Variants in DNAJC17 observed in about 807,000 individuals in gnomAD.
DNAJC17 encodes the protein dnaJ homolog subfamily C member 17.
Under a neutral mutation model 48.1 loss-of-function variants are expected in DNAJC17, and 35 were observed. The observed-to-expected ratio is 0.73, with a 90% CI of 0.56 to 0.96. DNAJC17 has a LOEUF of 0.96. Ranked by LOEUF, DNAJC17 falls within the 50% of genes least tolerant of loss-of-function variation. The pLI, the probability that DNAJC17 is intolerant of heterozygous loss-of-function variation, is 0.00. For synonymous variants in DNAJC17, 117 were observed against 142.7 expected (o/e 0.82, Z 1.28); for missense variants, 355 against 377.1 (o/e 0.94, Z 0.48).
intron 1 of DNAJC17, among the ~76,000 whole-genome samples, chr15:40,783,947 C>A (rs948096018): frequency 1.3e-5 from 2 of 152,086 alleles, no homozygotes; most frequent in Non-Finnish European, 2.9e-5. Flanking sequence ...AAGGAGCAGG[C>A]TGGGTGTGGT....
rs1234545096 is a variant in DNAJC17 at position 40,767,759 on chromosome 15, G to A, written c.*181C>T. On this transcript the variant is annotated 3_prime_UTR_variant, in exon 11 of 11. Coordinates refer to ENST00000220496, the MANE Select transcript of DNAJC17 (RefSeq NM_018163.3). ...CGGACTCTGGGACTCTCACCCTGCG[G>A]AGCGTTTCCCTGGGGGTCTGCCCAC... 3 of 823,118 alleles carry A rather than the reference G, an allele frequency of 3.6e-6. No individual in the cohort carries two copies. Among genetic ancestry groups the A allele is most frequent in the African/African-American group, 1.7e-5 (1 of 57,352 alleles). The allele number at this position is 823,118 out of a possible 1,614,324, so 51.0% of individuals were successfully genotyped here.
intron 1 of DNAJC17, among the ~76,000 whole-genome samples, chr15:40,795,130 G>A (rs952623238): frequency 4.6e-5 from 7 of 151,936 alleles, no homozygotes; most frequent in Non-Finnish European, 5.9e-5. Context: ...TAAACTTCTC[G>A]GCTGGGCACA....
intron 1 of DNAJC17, among the ~76,000 whole-genome samples, chr15:40,792,985 C>CT (rs2141959581): frequency 6.6e-6 from 1 of 151,280 alleles, no homozygotes; most frequent in East Asian, 1.9e-4. Flanking sequence ...GCTCTGCCTC[C>CT]GGGTTCACGC....
At chr15:40,774,886 C>G (rs1164466744) in intron 8 of DNAJC17, 145 bp downstream of exon 8, 2 of 823,806 alleles carry the variant, frequency 2.4e-6, no homozygotes, top group African/African-American at 3.4e-5. Context: ...GGAGAAGTCT[C>G]TAAGACGTCC....
rs557243745 is a variant in DNAJC17 at position 40,793,050 on chromosome 15, G to A, written c.79-13053C>T. ...TGGGACTACAGGCACCCGCCACCAC[G>A]CCTGGCTAATTTTTTTGTATTTTTA... is the stretch of plus-strand genomic sequence containing the variant. On this transcript the variant is annotated intron_variant, in intron 1 of 10. Coordinates refer to ENST00000220496, the MANE Select transcript of DNAJC17 (RefSeq NM_018163.3). 6.7e-3 allele frequency among the ~76,000 whole-genome samples: 1,024 copies of A among 151,910 alleles called. 14 individuals carry two copies. Among genetic ancestry groups the A allele is most frequent in the African/African-American group, 0.023 (970 of 41,442 alleles).
Position 40,766,023 on chromosome 15 carries a change from G to T in DNAJC17, c.*1917C>A, listed in dbSNP as rs1360675514. ...AGCCCAGGGACAGGGCCCAGCATCAGAGCCCCCTGCCTGCATCCTGGGGCT... is the reference window on the plus strand; with the variant it reads ...AGCCCAGGGACAGGGCCCAGCATCATAGCCCCCTGCCTGCATCCTGGGGCT... On this transcript the variant is annotated 3_prime_UTR_variant, in exon 11 of 11. Coordinates refer to ENST00000220496, the MANE Select transcript of DNAJC17 (RefSeq NM_018163.3). 4 of 522,664 alleles carry T rather than the reference G, an allele frequency of 7.7e-6. No homozygotes were observed. Among genetic ancestry groups the T allele is most frequent in the South Asian group, 6.6e-5 (2 of 30,322 alleles). The allele number at this position is 522,664 out of a possible 1,614,324, so 32.4% of individuals were successfully genotyped here.
chr15:40,773,908 A>C, intron 9 of DNAJC17, 71 bp from the exon 10 acceptor site: 1 of 1,355,682 alleles, frequency 7.4e-7, no homozygotes. Context: ...CTACCCCCAC[A>C]GAGAGAACGG....
chr15:40,802,570 G>C (rs146681104), intron 1 of DNAJC17, among the ~76,000 whole-genome samples: 53 of 152,284 alleles, frequency 3.5e-4, no homozygotes, highest in African/African-American at 1.1e-3. Context: ...GAAGTAGTCT[G>C]AACACAAGTT....
At chr15:40,774,133 A>T (rs1198299625) in intron 9 of DNAJC17, 2 of 612,082 alleles carry the variant, frequency 3.3e-6, no homozygotes, top group Non-Finnish European at 5.7e-6. Context: ...AGCAGAGTCA[A>T]GTCTGTGCTC....
At chr15:40,789,628 C>A (rs1240928390) in intron 1 of DNAJC17, among the ~76,000 whole-genome samples, 1 of 152,028 alleles carries the variant, frequency 6.6e-6, no homozygotes, top group Non-Finnish European at 1.5e-5. Context: ...AGGCCTGGGT[C>A]TCTAGCCCCA....
At chr15:40,802,032 T>C (rs888386377) in intron 1 of DNAJC17, among the ~76,000 whole-genome samples, 1 of 152,104 alleles carries the variant, frequency 6.6e-6, no homozygotes, top group Non-Finnish European at 1.5e-5. Context: ...GGTGATGTTC[T>C]AGATGGCAGG....
intron 1 of DNAJC17, among the ~76,000 whole-genome samples, chr15:40,788,929 T>C (rs1242970741): frequency 6.6e-6 from 1 of 152,164 alleles, no homozygotes; most frequent in African/African-American, 2.4e-5. Context: ...CTTTCATTCC[T>C]TACAGCCTGT....
chr15:40,806,322 G>A (rs1280948352), intron 1 of DNAJC17, among the ~76,000 whole-genome samples: 1 of 149,948 alleles, frequency 6.7e-6, no homozygotes, highest in Non-Finnish European at 1.5e-5. Flanking sequence ...GGGTTCCAGT[G>A]ATTCTCCTGC....
rs1889122986 is a variant in DNAJC17 at position 40,770,995 on chromosome 15, A to G, written c.792+2732T>C. The G allele has an allele frequency of 1.3e-6, 2 of 1,551,004 alleles. No homozygotes were observed. The highest frequency in any genetic ancestry group is 4.9e-5 in the East Asian group (2 of 40,920). On this transcript the variant is annotated intron_variant, in intron 10 of 10. Transcript: ENST00000220496. The surrounding 1 kb of genome is among the most constrained non-coding windows in gnomAD (Gnocchi z 5.0). ...GAGGAAGTTCTGCAGATGCTAAGGG[A>G]GCAGTTTCCTAGCGAGCCCAGCTTC...
At chr15:40,768,149 C>A (rs760943241) in intron 10 of DNAJC17, 87 bp from the exon 11 acceptor site, 1 of 1,437,324 alleles carries the variant, frequency 7.0e-7, no homozygotes, top group Non-Finnish European at 9.1e-7. Context: ...GGCAGTGCTG[C>A]GTTCTAAGAG....
chr15:40,798,209 G>A (rs1889986645), intron 1 of DNAJC17, among the ~76,000 whole-genome samples: 1 of 152,206 alleles, frequency 6.6e-6, no homozygotes, highest in Admixed American at 6.5e-5. Context: ...AACCTTGAAA[G>A]CATGATGTTA....
intron 9 of DNAJC17, 56 bp downstream of exon 9, chr15:40,774,300 C>T: frequency 6.3e-7 from 1 of 1,594,514 alleles, no homozygotes; most frequent in Non-Finnish European, 8.6e-7. Flanking sequence ...AGAATTGGGT[C>T]CCTGCCCTAG....
In DNAJC17 at chr15:40,769,560, C is replaced by T. The variant is rs1318867983; in HGVS notation, c.793-1498G>A. 6.6e-6 allele frequency among the ~76,000 whole-genome samples: 1 copy of T among 152,276 alleles called. No individual in the cohort carries two copies. Among genetic ancestry groups the T allele is most frequent in the African/African-American group, 2.4e-5 (1 of 41,484 alleles). On this transcript the variant is annotated intron_variant, in intron 10 of 10. Coordinates refer to ENST00000220496, the MANE Select transcript of DNAJC17 (RefSeq NM_018163.3). The surrounding 1 kb of genome is among the most constrained non-coding windows in gnomAD (Gnocchi z 4.2). The stretch of plus-strand genomic sequence containing the variant: ...GGCATGGCGCTGCTCCCCATTAACA[C>T]ACCCTCTGCCCCCCTTCCTGTTCCT...
In DNAJC17 at chr15:40,767,670, G is replaced by A. The variant is rs1888982151; in HGVS notation, c.*270C>T. 1 of 599,754 alleles carries A rather than the reference G, an allele frequency of 1.7e-6. No individual in the cohort carries two copies. Among genetic ancestry groups the A allele is most frequent in the Non-Finnish European group, 2.8e-6 (1 of 357,154 alleles). 37.2% of individuals were successfully genotyped at this position (599,754 alleles called of 1,614,324 possible). A position where few individuals can be genotyped will look rare whatever the true frequency, so the allele number is the denominator to read the frequency against. On this transcript the variant is annotated 3_prime_UTR_variant, in exon 11 of 11. Transcript: ENST00000220496. Reference sequence around the variant, plus strand: ...CCAGCGGCCCTGGCGCGTGGCTCCTGCATAGCTAGCCCAAGCCAATAAAGG... The same window carrying A: ...CCAGCGGCCCTGGCGCGTGGCTCCTACATAGCTAGCCCAAGCCAATAAAGG...
Sources: allele counts gnomAD v4.1 joint callset (sites outside exome capture counted in the v4.1 genomes callset), GRCh38; gene constraint gnomAD v4.1.1; non-coding constraint Gnocchi (gnomAD v3.1); transcripts MANE v1.5; gene names NCBI Gene and HGNC (gene_info 2026-07-23, HGNC 2026-07-21).